The following DHX36 variants were observed in gnomAD, a reference collection of about 807,000 sequenced individuals.
DHX36 encodes ATP-dependent DNA/RNA helicase DHX36.
Under a neutral mutation model 139.0 loss-of-function variants are expected in DHX36, and 50 were observed. That is an observed-to-expected ratio of 0.36 (90% CI 0.29 to 0.46). The LOEUF is 0.46. DHX36 is among the 20% of genes least tolerant of loss of function. The pLI is 1.00. For missense variants in DHX36, 1,024 were observed against 1,211.3 expected (o/e 0.85, Z 2.29); for synonymous variants, 425 against 401.9 (o/e 1.06, Z -0.69).
chr3:154,324,082 A>G, intron 1 of DHX36, 92 bp downstream of exon 1: 3 of 1,365,068 alleles, frequency 2.2e-6, no homozygotes, highest in Non-Finnish European at 3.0e-6. Flanking sequence ...CACGTGCATC[A>G]CTTAAGAAAC....
chr3:154,310,832 T>TAC (rs1559957785), intron 4 of DHX36, among the ~76,000 whole-genome samples: 53 of 53,186 alleles, frequency 1.0e-3, no homozygotes, highest in African/African-American at 3.4e-3. Flanking sequence ...TATATATATA[T>TAC]ATATATATAT....
At chr3:154,321,011 G>A (rs981009350) in intron 1 of DHX36, among the ~76,000 whole-genome samples, 6 of 152,076 alleles carry the variant, frequency 3.9e-5, no homozygotes, top group Non-Finnish European at 7.4e-5. Flanking sequence ...TATTTTTCTA[G>A]CCCAGAGATT....
chr3:154,303,313 C>A lies in DHX36; in HGVS notation c.1217+16G>T, dbSNP rs1235969680. On this transcript the variant is annotated intron_variant, in intron 9 of 24. Coordinates refer to ENST00000496811, the MANE Select transcript of DHX36 (RefSeq NM_020865.3). ...TAGTACTTTTTAATGTTTTTTATTTCCTAATGTTTACTTACCTTATTTTTT... is the reference window on the plus strand; with the variant it reads ...TAGTACTTTTTAATGTTTTTTATTTACTAATGTTTACTTACCTTATTTTTT... 1.9e-6 allele frequency: 3 copies of A among 1,543,074 alleles called. No homozygotes were observed. In the East Asian group the frequency reaches 6.8e-5, roughly 35 times the overall value.
chr3:154,295,731 C>A (rs187922261), intron 12 of DHX36, among the ~76,000 whole-genome samples: 19 of 152,252 alleles, frequency 1.2e-4, no homozygotes, highest in African/African-American at 3.6e-4. Context: ...AATGAATAGG[C>A]AACAATTCTG....
chr3:154,313,010 T>C (rs920275672), intron 3 of DHX36, among the ~76,000 whole-genome samples: 4 of 150,068 alleles, frequency 2.7e-5, no homozygotes, highest in Admixed American at 6.7e-5. Flanking sequence ...ATGTGAAGAC[T>C]GAAATGAATT....
chr3:154,287,102 CCA>C (rs1711571889), intron 17 of DHX36, among the ~76,000 whole-genome samples: 1 of 152,100 alleles, frequency 6.6e-6, no homozygotes, highest in Non-Finnish European at 1.5e-5. Context: ...ACACACAAAT[CCA>C]CAGACATTGA....
In DHX36 at chr3:154,284,564, C is replaced by A; in HGVS notation, c.2292+19G>T. ...TTGAATAAACTATCATAATCCAGGA[C>A]AAAATTTTTTTTTTTTACCTCAAAC... On this transcript the variant is annotated intron_variant, in intron 19 of 24. Transcript: ENST00000496811. The A allele has an allele frequency of 1.3e-6, 2 of 1,528,730 alleles. No individual in the cohort carries two copies. The highest frequency in any genetic ancestry group is 1.8e-6 in the Non-Finnish European group (2 of 1,121,154). 94.7% of individuals were successfully genotyped at this position (1,528,730 alleles called of 1,614,324 possible).
Position 154,301,006 on chromosome 3 carries a change from C to T in DHX36, c.1339G>A (p.Val447Ile). ...ACTTACCTTCTTCGCAGTTCCCTTA[C>T]ATAATCTGGCCAACGTTCTTTATAT... ...AIYKERWPDY[V>I]RELRRRYSAS... is the part of the protein sequence containing the mutation. Residue 447 changes from valine to isoleucine, a missense_variant, in exon 10 of 25, where the codon GTA becomes ATA. This residue lies in a region of DHX36 where 115 missense variants were observed against 105.6 expected (regional missense o/e 1.09). Transcript: ENST00000496811. 6.2e-7 allele frequency: 1 copy of T among 1,612,422 alleles called. No homozygotes were observed. The highest frequency in any genetic ancestry group is 1.3e-5 in the African/African-American group (1 of 74,902).
intron 22 of DHX36, 93 bp from the exon 23 acceptor site, chr3:154,277,811 G>T: frequency 1.7e-6 from 2 of 1,189,646 alleles, no homozygotes; most frequent in East Asian, 2.6e-5. Context: ...AGAAGAGCTT[G>T]GTAAAAACCA....
intron 15 of DHX36, among the ~76,000 whole-genome samples, chr3:154,291,211 A>C (rs149516830): frequency 0.012 from 1,790 of 152,076 alleles, 32 homozygotes; most frequent in African/African-American, 0.041. Flanking sequence ...GATCTCCAAA[A>C]TAATAAGGTT....
intron 17 of DHX36, among the ~76,000 whole-genome samples, chr3:154,287,396 T>C (rs548866970): frequency 6.6e-6 from 1 of 152,192 alleles, no homozygotes; most frequent in African/African-American, 2.4e-5. Flanking sequence ...GGCTCATGCC[T>C]ATGATCCCAG....
At chr3:154,313,699 C>T (rs1014559908) in intron 3 of DHX36, among the ~76,000 whole-genome samples, 1 of 152,000 alleles carries the variant, frequency 6.6e-6, no homozygotes. Flanking sequence ...TATATACATA[C>T]ACGCACACAT....
chr3:154,277,697 G>C lies in DHX36; in HGVS notation c.2589C>G (p.Thr863=). Residue 863 remains threonine (T), a synonymous_variant, in exon 23 of 25, where the codon ACC becomes ACG. Transcript: ENST00000496811. ...KRKMVKVYTK[T]DGLVAVHPKS... ...TAGGATGAACAGCAACCAGGCCATC[G>C]GTTTTTGTGTAAACTTTTACCCTTT... 1 of 1,607,784 alleles carries C rather than the reference G, an allele frequency of 6.2e-7. No individual in the cohort carries two copies. The highest frequency in any genetic ancestry group is 8.5e-7 in the Non-Finnish European group (1 of 1,176,084).
Position 154,288,983 on chromosome 3 carries a change from T to C in DHX36, c.1933-19A>G, listed in dbSNP as rs1395375811. Reference sequence around the variant, plus strand: ...TTAAAATCTAAGTGGGGGAGACAAATATTATTAAATACATATAATATTAAT... The same window carrying C: ...TTAAAATCTAAGTGGGGGAGACAAACATTATTAAATACATATAATATTAAT... On this transcript the variant is annotated intron_variant, in intron 16 of 24. Coordinates refer to ENST00000496811, the MANE Select transcript of DHX36 (RefSeq NM_020865.3). 7 of 1,227,766 alleles carry C rather than the reference T, an allele frequency of 5.7e-6. No individual in the cohort carries two copies. Among genetic ancestry groups the C allele is most frequent in the Non-Finnish European group, 8.0e-6 (7 of 876,040 alleles). 76.1% of individuals were successfully genotyped at this position (1,227,766 alleles called of 1,614,324 possible).
Position 154,300,668 on chromosome 3 carries a change from C to T in DHX36, c.1387G>A (p.Glu463Lys). 6.2e-7 allele frequency: 1 copy of T among 1,613,512 alleles called. No homozygotes were observed. The highest frequency in any genetic ancestry group is 8.5e-7 in the Non-Finnish European group (1 of 1,179,566). The change falls in exon 11 of 25, where the codon GAA (glutamate) becomes AAA (lysine). Residue 463 changes from glutamate to lysine, a missense_variant. Glu to Lys is a moderately conservative substitution (Grantham distance 56). Coordinates refer to ENST00000496811, the MANE Select transcript of DHX36 (RefSeq NM_020865.3). ...TCAACTTTATCATCCTCCATCATTTCTATAACATCTACAGTACTTGCAGAA... is the reference window on the plus strand; with the variant it reads ...TCAACTTTATCATCCTCCATCATTTTTATAACATCTACAGTACTTGCAGAA... ...RYSASTVDVI[E>K]MMEDDKVDLN...
intron 3 of DHX36, chr3:154,312,378 T>C (rs1396105195): frequency 6.6e-6 from 1 of 152,226 alleles, no homozygotes; most frequent in Non-Finnish European, 1.5e-5. Context: ...TATATTTATG[T>C]GACAATTTCT....
At position 154,280,789 on chromosome 3, in the gene DHX36, T is replaced by C; in HGVS notation, c.2450A>G (p.Lys817Arg). The change falls in exon 21 of 25, where the codon AAA becomes AGA. Residue 817 changes from lysine to arginine, a missense_variant. By Grantham distance (26) the Lys-to-Arg change is conservative. Coordinates refer to ENST00000496811, the MANE Select transcript of DHX36 (RefSeq NM_020865.3). ...GAGFVSSRNP[K>R]DPESNINSDN... ...TGAATTTATATTAGATTCTGGATCT[T>C]TAGGATTTCTACTGCTTACAAATCC... 6.2e-7 allele frequency: 1 copy of C among 1,613,656 alleles called. No individual in the cohort carries two copies. The highest frequency in any genetic ancestry group is 8.5e-7 in the Non-Finnish European group (1 of 1,179,780).
chr3:154,309,806 A>G lies in DHX36; in HGVS notation c.660T>C (p.Ile220=). The change falls in exon 5 of 25, where the codon ATT becomes ATC. Residue 220 remains isoleucine (I), a synonymous_variant. Coordinates refer to ENST00000496811, the MANE Select transcript of DHX36 (RefSeq NM_020865.3). ...TTATTACTGTTACCTGATGGTTATC[A>G]ATTAAATTTACCAATTCCTATTTCA... is the stretch of plus-strand genomic sequence containing the variant. ...YGMQKELVNL[I]DNHQVTVISG... The G allele has an allele frequency of 6.2e-7, 1 of 1,601,472 alleles. No individual in the cohort carries two copies. The highest frequency in any genetic ancestry group is 8.5e-7 in the Non-Finnish European group (1 of 1,175,034).
At chr3:154,319,525 T>C (rs539548516) in intron 1 of DHX36, among the ~76,000 whole-genome samples, 16 of 152,198 alleles carry the variant, frequency 1.1e-4, no homozygotes, top group Non-Finnish European at 1.3e-4. Flanking sequence ...CTTTTCTCTT[T>C]TCTTTCTTGT....
Sources: gnomAD v4.1 joint callset for allele counts (sites outside exome capture counted in the v4.1 genomes callset) on GRCh38, gnomAD v4.1.1 for gene constraint, gnomAD v4.1.1 regional missense constraint, MANE v1.5 for transcripts, NCBI Gene and HGNC (gene_info 2026-07-23, HGNC 2026-07-21) for gene names.